The following MDGA2 variants were observed in gnomAD, a reference collection of about 807,000 sequenced individuals.
MDGA2 encodes MAM domain containing glycosylphosphatidylinositol anchor 2, also known as MAM domain-containing glycosylphosphatidylinositol anchor protein 2.
In MDGA2, 40 loss-of-function variants were observed where a neutral mutation model predicts 117.8. That is an observed-to-expected ratio of 0.34 (90% CI 0.26 to 0.44). The LOEUF (loss-of-function observed/expected upper bound fraction) is 0.44, where lower values mean the gene tolerates loss of function less well. Ranked by LOEUF, MDGA2 falls within the 20% of genes least tolerant of loss-of-function variation. The pLI, the probability that MDGA2 is intolerant of heterozygous loss-of-function variation, is 1.00. For synonymous variants in MDGA2, 452 were observed against 439.0 expected, an observed-to-expected ratio of 1.03 and a Z score of -0.37; for missense variants, 1,123 against 1,250.6, an observed-to-expected ratio of 0.90 and a Z score of 1.54.
intron 14 of MDGA2, chr14:46,871,668 G>A (rs965965450): frequency 1.5e-4 from 24 of 159,826 alleles, no homozygotes; most frequent in African/African-American, 5.7e-4. Context: ...AAGATACTAT[G>A]TATGTTGCCT....
intron 10 of MDGA2, among the ~76,000 whole-genome samples, chr14:46,896,244 A>G (rs1360386234): frequency 6.6e-6 from 1 of 152,132 alleles, no homozygotes; most frequent in Non-Finnish European, 1.5e-5. Context: ...CTTTAATTCA[A>G]TTATTGACAA....
At chr14:47,191,834 C>G (rs910461510) in intron 3 of MDGA2, among the ~76,000 whole-genome samples, 9 of 152,074 alleles carry the variant, frequency 5.9e-5, no homozygotes, top group Middle Eastern at 3.4e-3. Flanking sequence ...AGAGTCAGAA[C>G]AGAGTAAAAT....
chr14:47,004,383 T>C (rs1453308232), intron 8 of MDGA2, among the ~76,000 whole-genome samples: 10 of 151,936 alleles, frequency 6.6e-5, no homozygotes, highest in Admixed American at 5.3e-4. Context: ...TAACCATATA[T>C]ATCCACATAT....
intron 6 of MDGA2, among the ~76,000 whole-genome samples, chr14:47,065,577 T>C (rs1329704130): frequency 6.6e-6 from 1 of 152,212 alleles, no homozygotes; most frequent in African/African-American, 2.4e-5. Context: ...GATTGTATCT[T>C]GATTGTAGTT....
At chr14:47,432,987 A>T (rs931268223) in intron 1 of MDGA2, among the ~76,000 whole-genome samples, 1 of 152,056 alleles carries the variant, frequency 6.6e-6, no homozygotes, top group Non-Finnish European at 1.5e-5. Flanking sequence ...AAATACTGGG[A>T]CACAAAGATG....
intron 9 of MDGA2, among the ~76,000 whole-genome samples, chr14:46,945,134 T>C (rs1021261952): frequency 6.6e-6 from 1 of 152,134 alleles, no homozygotes; most frequent in Admixed American, 6.6e-5. Context: ...TTCAATTACC[T>C]GCTGTCCCTT....
intron 3 of MDGA2, among the ~76,000 whole-genome samples, chr14:47,197,076 A>G (rs1885312981): frequency 6.6e-6 from 1 of 152,218 alleles, no homozygotes; most frequent in African/African-American, 2.4e-5. Context: ...ATTGATGGGT[A>G]TCTAGGTTGA....
At chr14:46,927,571 T>C (rs1884380131) in intron 9 of MDGA2, among the ~76,000 whole-genome samples, 1 of 152,140 alleles carries the variant, frequency 6.6e-6, no homozygotes, top group South Asian at 2.1e-4. Context: ...TAACAACTAA[T>C]TAATACAACA....
At chr14:47,495,478 T>C (rs564591890) in intron 1 of MDGA2, among the ~76,000 whole-genome samples, 2 of 152,350 alleles carry the variant, frequency 1.3e-5, no homozygotes, top group African/African-American at 4.8e-5. Context: ...CTGCTTTTAC[T>C]TTATTTATAA....
chr14:47,009,309 CAATTT>C (rs2138525671), intron 8 of MDGA2, among the ~76,000 whole-genome samples: 2 of 152,010 alleles, frequency 1.3e-5, no homozygotes, highest in East Asian at 1.9e-4. Flanking sequence ...AAAAGTTAGC[CAATTT>C]AATATGCTAT....
chr14:47,493,841 T>C (rs1294430115), intron 1 of MDGA2, among the ~76,000 whole-genome samples: 5 of 152,212 alleles, frequency 3.3e-5, no homozygotes, highest in Admixed American at 6.5e-5. Context: ...AGAAAGTCAT[T>C]CTAGCAGTCA....
At chr14:47,601,962 A>G (rs1896656290) in intron 1 of MDGA2, among the ~76,000 whole-genome samples, 1 of 152,170 alleles carries the variant, frequency 6.6e-6, no homozygotes, top group Admixed American at 6.6e-5. Context: ...ATTTTCCTGG[A>G]GTCGCTATGC....
chr14:46,866,994 G>T (rs908038486), intron 14 of MDGA2, among the ~76,000 whole-genome samples: 9 of 152,030 alleles, frequency 5.9e-5, no homozygotes, highest in African/African-American at 1.9e-4. Context: ...CGATTCCTCA[G>T]GGATCTAGAA....
At chr14:47,008,903 A>G (rs1887802281) in intron 8 of MDGA2, among the ~76,000 whole-genome samples, 1 of 151,996 alleles carries the variant, frequency 6.6e-6, no homozygotes. Context: ...CTCCCTGAGC[A>G]CATCTTAGCT....
chr14:47,661,696 A>G (rs1241601863), intron 1 of MDGA2, among the ~76,000 whole-genome samples: 1 of 152,042 alleles, frequency 6.6e-6, no homozygotes, highest in Non-Finnish European at 1.5e-5. Context: ...TTAGGCAGCT[A>G]AGAAATATTT....
intron 10 of MDGA2, among the ~76,000 whole-genome samples, chr14:46,907,567 T>C (rs1159444764): frequency 6.6e-6 from 1 of 152,186 alleles, no homozygotes; most frequent in Non-Finnish European, 1.5e-5. Context: ...ATGTATTTGA[T>C]TTCCATATGT....
intron 1 of MDGA2, among the ~76,000 whole-genome samples, chr14:47,455,881 C>T (rs1260944647): frequency 6.6e-6 from 1 of 151,930 alleles, no homozygotes; most frequent in Non-Finnish European, 1.5e-5. Context: ...CCTGTAATCC[C>T]AGTTACTCGG....
intron 1 of MDGA2, among the ~76,000 whole-genome samples, chr14:47,641,879 A>C (rs753029015): frequency 2.0e-5 from 3 of 152,216 alleles, no homozygotes; most frequent in Non-Finnish European, 2.9e-5. Flanking sequence ...TTTGATAGGG[A>C]AGAGATGCAA....
chr14:46,865,616 C>A (rs1340189427), intron 14 of MDGA2, among the ~76,000 whole-genome samples: 1 of 151,588 alleles, frequency 6.6e-6, no homozygotes, highest in Non-Finnish European at 1.5e-5. Context: ...TGTTTGCAGA[C>A]GACATGATTG....
Sources: gnomAD v4.1 joint callset for allele counts (sites outside exome capture counted in the v4.1 genomes callset) on GRCh38, gnomAD v4.1.1 for gene constraint, MANE v1.5 for transcripts, NCBI Gene and HGNC (gene_info 2026-07-23, HGNC 2026-07-21) for gene names.